Variants in NPHP1 observed in about 807,000 individuals in gnomAD.
The protein encoded by NPHP1 is nephrocystin 1.
In NPHP1, 70 loss-of-function variants were observed where a neutral mutation model predicts 90.4. The observed-to-expected ratio is 0.77, with a 90% confidence interval of 0.64 to 0.95. The LOEUF (loss-of-function observed/expected upper bound fraction) is 0.95. Among genes scored for constraint, NPHP1 ranks in the 40% least tolerant of loss-of-function variants. The pLI is 0.00. For missense variants in NPHP1, 764 were observed against 795.9 expected (o/e 0.96, Z 0.48); for synonymous variants, 256 against 271.7 (o/e 0.94, Z 0.57).
chr2:110,128,843 C>A, intron 18 of NPHP1: 2 of 322,132 alleles, frequency 6.2e-6, no homozygotes, highest in Admixed American at 4.5e-5. Flanking sequence ...ATGTGCATGC[C>A]CTGATTCTCC....
intron 11 of NPHP1, among the ~76,000 whole-genome samples, chr2:110,152,168 A>G (rs1681519092): frequency 6.6e-6 from 1 of 152,130 alleles, no homozygotes; most frequent in Admixed American, 6.5e-5. Context: ...TAAAAACGCA[A>G]GAGGGGCTGG....
chr2:110,135,238 T>C (rs1474790589), intron 16 of NPHP1, among the ~76,000 whole-genome samples: 1 of 151,648 alleles, frequency 6.6e-6, no homozygotes. Flanking sequence ...AATATTTAGA[T>C]TTCAAAATAA....
At chr2:110,198,757 A>C (rs1685347151) in intron 2 of NPHP1, among the ~76,000 whole-genome samples, 1 of 151,870 alleles carries the variant, frequency 6.6e-6, no homozygotes, top group African/African-American at 2.4e-5. Context: ...AACATACAAA[A>C]TTTCATTCTT....
intron 2 of NPHP1, among the ~76,000 whole-genome samples, chr2:110,181,272 C>T (rs1683889116): frequency 6.6e-6 from 1 of 152,200 alleles, no homozygotes; most frequent in African/African-American, 2.4e-5. Context: ...ATCATATGTG[C>T]TCTACCAAAA....
In NPHP1 at chr2:110,123,982, G is replaced by A. The variant is rs1321046476; in HGVS notation, c.1843C>T (p.Pro615Ser). ...VLPLLHSTRL[P>S]PFRWAEEETE... is the part of the protein sequence containing the mutation. ...TCTTCTTCTGCCCACCTGAATGGGG[G>A]TAGGCGTGTGGAGTGGAGAAGTGGG... The change falls in exon 20 of 20, where the codon CCC becomes TCC. Residue 615 changes from proline to serine, a missense_variant. By Grantham distance (74) the Pro-to-Ser change is moderately conservative. Transcript: ENST00000445609. 2 of 1,613,976 alleles carry A rather than the reference G, an allele frequency of 1.2e-6. No individual in the cohort carries two copies. The highest frequency in any genetic ancestry group is 2.7e-5 in the African/African-American group (2 of 74,930).
rs574524023 is a variant in NPHP1, at chr2:110,174,296, T to C, written c.329+4127A>G. ...TTTCTATTTGTCTCATCTGTTTATT[T>C]CTCCTTTCTTGCCTTTTTTGGGTTA... On this transcript the variant is annotated intron_variant, in intron 4 of 19. Transcript: ENST00000445609. Among the ~76,000 whole-genome samples the C allele has an allele frequency of 3.3e-5, 5 of 152,282 alleles. No individual in the cohort carries two copies. The South Asian group carries it at 8.3e-4, about 25-fold the overall frequency.
rs1482624366 is a variant in NPHP1, at chr2:110,165,056, G to A, written c.724C>T (p.Gln242Ter). ...DETADGAEVK[Q>*]RTDPHWSAVQ... ...TATCCTTTCCCACTTTTGTACCTTT[G>A]CTTAACTTCTGCTCCATCTGCTGTT... Residue 242 changes from glutamine (Q) to a stop codon, truncating the protein, a stop_gained, in exon 7 of 20, where the codon CAA (glutamine) becomes TAA (stop). Transcript: ENST00000445609. LOFTEE classifies it high-confidence loss of function. 1 of 1,610,984 alleles carries A rather than the reference G, an allele frequency of 6.2e-7. No individual in the cohort carries two copies. Among genetic ancestry groups the A allele is most frequent in the Non-Finnish European group, 8.5e-7 (1 of 1,177,496 alleles).
chr2:110,169,746 C>A, intron 5 of NPHP1, 60 bp downstream of exon 5: 1 of 1,160,776 alleles, frequency 8.6e-7, no homozygotes, highest in Non-Finnish European at 1.3e-6. Context: ...GCAGAGTTTT[C>A]TTATTCTGTT....
At chr2:110,178,795 G>A (rs1011736790) in intron 3 of NPHP1, 3 of 444,552 alleles carry the variant, frequency 6.7e-6, no homozygotes, top group Non-Finnish European at 1.2e-5. Flanking sequence ...AAGTATTATA[G>A]ACCTTCCATA....
At chr2:110,125,483 G>T in intron 19 of NPHP1, 154 bp downstream of exon 19, 1 of 1,122,578 alleles carries the variant, frequency 8.9e-7, no homozygotes, top group Non-Finnish European at 1.3e-6. Context: ...TAACCCTCTT[G>T]GAATGTGTTT....
intron 9 of NPHP1, 83 bp from the exon 10 acceptor site, chr2:110,161,780 A>G (rs1189996595): frequency 2.0e-6 from 2 of 990,676 alleles, no homozygotes; most frequent in East Asian, 5.2e-5. Context: ...TATGAACTAG[A>G]GTACAGGCAC....
At chr2:110,150,301 G>C (rs1681368977) in intron 11 of NPHP1, 45 bp from the exon 12 acceptor site, 1 of 1,561,950 alleles carries the variant, frequency 6.4e-7, no homozygotes, top group East Asian at 2.2e-5. Flanking sequence ...AAAGCTCTTT[G>C]AAATGTCACC....
chr2:110,162,963 A>C, intron 9 of NPHP1, 85 bp downstream of exon 9: 1 of 844,642 alleles, frequency 1.2e-6, no homozygotes, highest in South Asian at 1.4e-5. Context: ...TTCTTCAACA[A>C]TGTGTTTTGC....
Position 110,129,068 on chromosome 2 carries a change from G to C in NPHP1, c.1716+118C>G, listed in dbSNP as rs1299792906. ...GACTGAGTTACCTAGACAATGGATA[G>C]GGATTGGGAGACATCATCCTAGTAA... On this transcript the variant is annotated intron_variant, in intron 18 of 19. Coordinates refer to ENST00000445609, the MANE Select transcript of NPHP1 (RefSeq NM_001128178.3). The C allele has an allele frequency of 5.5e-6, 4 of 726,828 alleles. No homozygotes were observed. In the Admixed American group the frequency reaches 6.3e-5, roughly 12 times the overall value. The allele number at this position is 726,828 out of a possible 1,614,324, so 45.0% of individuals were successfully genotyped here. A position where few individuals can be genotyped will look rare whatever the true frequency, so the allele number is the denominator to read the frequency against.
intron 1 of NPHP1, 134 bp downstream of exon 1, chr2:110,204,766 G>T: frequency 1.2e-6 from 1 of 859,614 alleles, no homozygotes; most frequent in Non-Finnish European, 1.9e-6. Context: ...GTAAGGGGGC[G>T]TTACAACCTG....
rs2104533863 is a variant in NPHP1 at position 110,157,711 on chromosome 2, C to T, written c.1083+2416G>A. Among the ~76,000 whole-genome samples the T allele has an allele frequency of 1.3e-5, 2 of 152,246 alleles. 1 individual carries two copies. The highest frequency in any genetic ancestry group is 6.8e-3 in the Middle Eastern group (2 of 294). ...TTTTACTCCCAGATATCTCTATCCA[C>T]ATCTCTCATCTCCACCTCCACCTCT... On this transcript the variant is annotated intron_variant, in intron 11 of 19. Transcript: ENST00000445609.
chr2:110,133,903 A>G (rs937936662), intron 16 of NPHP1, among the ~76,000 whole-genome samples: 1 of 152,068 alleles, frequency 6.6e-6, no homozygotes, highest in Non-Finnish European at 1.5e-5. Flanking sequence ...ATTTATAGCT[A>G]TAAATACTTA....
chr2:110,125,714 A>G, intron 18 of NPHP1, 33 bp from the exon 19 acceptor site: 1 of 1,563,942 alleles, frequency 6.4e-7, no homozygotes, highest in South Asian at 1.1e-5. Context: ...ATGTTAGTCC[A>G]AGTAGTAACA....
chr2:110,147,838 T>G, intron 13 of NPHP1, 78 bp downstream of exon 13: 1 of 847,274 alleles, frequency 1.2e-6, no homozygotes, highest in East Asian at 2.4e-5. Context: ...CTTCAAGGAT[T>G]TCCTTGTCAA....
Sources: gnomAD v4.1 joint callset for allele counts (sites outside exome capture counted in the v4.1 genomes callset) on GRCh38, gnomAD v4.1.1 for gene constraint, MANE v1.5 for transcripts, NCBI Gene and HGNC (gene_info 2026-07-23, HGNC 2026-07-21) for gene names.